Variants in APBA2 observed in about 807,000 individuals in gnomAD.
APBA2 encodes amyloid beta precursor protein binding family A member 2, also known as amyloid-beta A4 precursor protein-binding family A member 2.
A neutral mutation model predicts 75.0 loss-of-function variants in APBA2; 30 were observed. That is an observed-to-expected ratio of 0.40 (90% CI 0.30 to 0.54). The LOEUF (loss-of-function observed/expected upper bound fraction) is 0.54. APBA2 is among the 20% of genes least tolerant of loss of function. The pLI, the probability that APBA2 is intolerant of heterozygous loss-of-function variation, is 0.49. For missense variants in APBA2, 801 were observed against 1,016.1 expected (o/e 0.79, Z 2.88); for synonymous variants, 444 against 409.6 (o/e 1.08, Z -1.01).
Position 28,924,714 on chromosome 15 carries a change from TGTGA to T in APBA2, c.-95+2969_-95+2972del, listed in dbSNP as rs1332857272. Among the ~76,000 whole-genome samples the T allele has an allele frequency of 4.6e-5, 7 of 152,188 alleles. No homozygotes were observed. In the East Asian group the frequency reaches 7.7e-4, roughly 17 times the overall value. On this transcript the variant is annotated intron_variant, in intron 2 of 14. Transcript: ENST00000683413. ...TTTTGACTGTCAGGAATAATGCAGC[TGTGA>T]GTGTGTGTGGATAGTGTTAGATTCG... is the stretch of plus-strand genomic sequence containing the variant.
At chr15:28,960,759 TC>T (rs2036423707) in intron 2 of APBA2, among the ~76,000 whole-genome samples, 1 of 150,426 alleles carries the variant, frequency 6.6e-6, no homozygotes, top group Non-Finnish European at 1.5e-5. Context: ...CACCCATCAT[TC>T]TTTTTTTTTT....
At position 28,918,360 on chromosome 15, in the gene APBA2, G is replaced by A. The variant is rs1052389230; in HGVS notation, c.-204-3280G>A. On this transcript the variant is annotated intron_variant, in intron 1 of 14. Coordinates refer to ENST00000683413, the MANE Select transcript of APBA2 (RefSeq NM_001353788.2). This position sits in a 1 kb window ranked among gnomAD's most constrained non-coding sequence, Gnocchi z 4.2. ...ACAGGGAGAACTCATGAAAGGAGGC[G>A]TGGCTCACTCCTGAAGGGAGAGGGA... 2.6e-5 allele frequency among the ~76,000 whole-genome samples: 4 copies of A among 152,284 alleles called. No homozygotes were observed. The highest frequency in any genetic ancestry group is 2.4e-5 in the African/African-American group (1 of 41,574).
At chr15:29,030,329 G>T (rs897017805) in intron 3 of APBA2, among the ~76,000 whole-genome samples, 2 of 152,040 alleles carry the variant, frequency 1.3e-5, no homozygotes, top group Non-Finnish European at 2.9e-5. Context: ...GGGCGTGATG[G>T]CGGGTGCCTA....
At chr15:28,957,114 C>G (rs959387585) in intron 2 of APBA2, among the ~76,000 whole-genome samples, 4 of 151,842 alleles carry the variant, frequency 2.6e-5, no homozygotes, top group African/African-American at 9.7e-5. Flanking sequence ...GTTCTGTCAC[C>G]CAGGCTGGAG....
intron 2 of APBA2, among the ~76,000 whole-genome samples, chr15:28,931,618 A>G (rs1309226912): frequency 2.0e-5 from 3 of 152,008 alleles, no homozygotes; most frequent in Non-Finnish European, 4.4e-5. Context: ...GATCATGACT[A>G]TTTCCAGAGT....
chr15:29,113,446 C>T (rs1012454579), intron 13 of APBA2, among the ~76,000 whole-genome samples: 3 of 152,180 alleles, frequency 2.0e-5, no homozygotes, highest in African/African-American at 7.2e-5. Flanking sequence ...GAACAGATGC[C>T]CCACCTTTCT....
chr15:28,934,259 G>A (rs1267816241), intron 2 of APBA2, among the ~76,000 whole-genome samples: 2 of 152,152 alleles, frequency 1.3e-5, no homozygotes, highest in Admixed American at 1.3e-4. Flanking sequence ...ATGATTGTGA[G>A]TGTGGGGAAT....
At chr15:28,924,852 C>G (rs1158367503) in intron 2 of APBA2, among the ~76,000 whole-genome samples, 1 of 152,152 alleles carries the variant, frequency 6.6e-6, no homozygotes, top group Non-Finnish European at 1.5e-5. Context: ...TCCACCACAG[C>G]TGCACCGTTT....
At chr15:29,098,900 T>C (rs1337500143) in intron 9 of APBA2, among the ~76,000 whole-genome samples, 1 of 152,190 alleles carries the variant, frequency 6.6e-6, no homozygotes, top group African/African-American at 2.4e-5. Context: ...TGGCTCACAC[T>C]GCAGCCCACC....
chr15:29,104,511 C>G (rs1264620714), intron 10 of APBA2, among the ~76,000 whole-genome samples: 1 of 152,254 alleles, frequency 6.6e-6, no homozygotes, highest in African/African-American at 2.4e-5. Flanking sequence ...CAGGCCTTTG[C>G]CATGTCAGAG....
At chr15:28,950,145 G>A (rs1383382506) in intron 2 of APBA2, among the ~76,000 whole-genome samples, 1 of 152,108 alleles carries the variant, frequency 6.6e-6, no homozygotes, top group Non-Finnish European at 1.5e-5. Flanking sequence ...AATATCCTTC[G>A]ATTTGGGTTT....
intron 1 of APBA2, among the ~76,000 whole-genome samples, chr15:28,886,499 CT>C (rs1472668079): frequency 6.7e-6 from 1 of 150,014 alleles, no homozygotes; most frequent in Non-Finnish European, 1.5e-5. Flanking sequence ...CCGCTTCCCC[CT>C]CCCACGACGG....
chr15:28,897,109 C>T (rs779970630), intron 1 of APBA2, among the ~76,000 whole-genome samples: 10 of 151,920 alleles, frequency 6.6e-5, no homozygotes, highest in Non-Finnish European at 1.5e-4. Context: ...GCAAATGACT[C>T]ATCTTAAAAT....
intron 4 of APBA2, among the ~76,000 whole-genome samples, chr15:29,069,850 T>C (rs964614604): frequency 2.0e-5 from 3 of 152,272 alleles, no homozygotes; most frequent in Non-Finnish European, 2.9e-5. Flanking sequence ...GTGACAAGTT[T>C]AGATAAATAT....
chr15:28,917,657 T>A (rs2033747805), intron 1 of APBA2, among the ~76,000 whole-genome samples: 1 of 143,194 alleles, frequency 7.0e-6, no homozygotes, highest in Non-Finnish European at 1.5e-5. Context: ...TGGGGCAGTA[T>A]TATTATTAAC....
intron 2 of APBA2, among the ~76,000 whole-genome samples, chr15:28,965,153 A>G (rs2036675158): frequency 6.6e-6 from 1 of 152,060 alleles, no homozygotes; most frequent in South Asian, 2.1e-4. Flanking sequence ...ATAAGGTATG[A>G]AATTTATGTC....
At chr15:28,899,208 CCCCAGGCAAGGG>C (rs2032697578) in intron 1 of APBA2, among the ~76,000 whole-genome samples, 1 of 152,218 alleles carries the variant, frequency 6.6e-6, no homozygotes, top group Admixed American at 6.5e-5. Context: ...CTACCTGCCT[CCCCAGGCAAGGG>C]CCCAACCCCT....
At chr15:29,107,134 G>A (rs926481643) in intron 12 of APBA2, among the ~76,000 whole-genome samples, 6 of 152,192 alleles carry the variant, frequency 3.9e-5, no homozygotes, top group African/African-American at 1.4e-4. Context: ...AGCTTATCCT[G>A]CTTTGCCTGG....
Position 29,076,092 on chromosome 15 carries a change from G to T in APBA2, c.1069+1G>T. ...GCATCATTTCCAAGTTTTGTGGCTG[G>T]TAAGTGACTTTGAATTTTATTTCTC... On this transcript the variant is annotated splice_donor_variant, in intron 6 of 14. Coordinates refer to ENST00000683413, the MANE Select transcript of APBA2 (RefSeq NM_001353788.2). LOFTEE classifies it high-confidence loss of function. The T allele has an allele frequency of 1.2e-6, 2 of 1,614,086 alleles. No homozygotes were observed. Among genetic ancestry groups the T allele is most frequent in the Non-Finnish European group, 1.7e-6 (2 of 1,179,966 alleles).
Sources: gnomAD v4.1 joint callset for allele counts (sites outside exome capture counted in the v4.1 genomes callset) on GRCh38, gnomAD v4.1.1 for gene constraint, Gnocchi (gnomAD v3.1) non-coding constraint, MANE v1.5 for transcripts, NCBI Gene and HGNC (gene_info 2026-07-23, HGNC 2026-07-21) for gene names.